ABTB3: variants seen among roughly 807,000 people sequenced by gnomAD.
The protein encoded by ABTB3 is ankyrin repeat- and BTB/POZ domain-containing protein 3.
At chr12:107,549,980 A>G in the ABTB3 span, among the ~76,000 whole-genome samples, 4 of 150,896 alleles carry the variant, frequency 2.7e-5, no homozygotes, top group Non-Finnish European at 5.9e-5. Context: ...TTGCACCTGC[A>G]TGTCACCTGG....
the ABTB3 span, among the ~76,000 whole-genome samples, chr12:107,636,871 C>T: frequency 6.6e-6 from 1 of 152,202 alleles, no homozygotes. Context: ...CAAACTTTTG[C>T]AAGGTCGGTT....
chr12:107,347,411 C>CA, the ABTB3 span, among the ~76,000 whole-genome samples: 1 of 152,134 alleles, frequency 6.6e-6, no homozygotes, highest in East Asian at 1.9e-4. Context: ...TTCAAGAAAC[C>CA]ATTTAATTGT....
At chr12:107,658,976 T>C in the ABTB3 span, 1 of 152,654 alleles carries the variant, frequency 6.6e-6, no homozygotes, top group Non-Finnish European at 1.5e-5. Context: ...CCATATATTA[T>C]AAGCAAAAGA....
chr12:107,436,366 GCTGGGAGTGA>G, the ABTB3 span, among the ~76,000 whole-genome samples: 1 of 152,200 alleles, frequency 6.6e-6, no homozygotes, highest in Non-Finnish European at 1.5e-5. Context: ...ATCAACCCAT[GCTGGGAGTGA>G]CAAGCTGGGC....
the ABTB3 span, among the ~76,000 whole-genome samples, chr12:107,525,851 A>G: frequency 1.3e-3 from 204 of 152,372 alleles, 1 homozygote; most frequent in African/African-American, 4.6e-3. Flanking sequence ...ACTGTGTACC[A>G]GCTGCTTTGA....
At chr12:107,357,620 A>T in the ABTB3 span, among the ~76,000 whole-genome samples, 1 of 152,230 alleles carries the variant, frequency 6.6e-6, no homozygotes, top group Non-Finnish European at 1.5e-5. Flanking sequence ...CTAAAAAAAT[A>T]AAAAATTAAA....
At chr12:107,405,089 G>A in the ABTB3 span, among the ~76,000 whole-genome samples, 1 of 152,118 alleles carries the variant, frequency 6.6e-6, no homozygotes, top group Non-Finnish European at 1.5e-5. Context: ...TAGATCTTAG[G>A]GTGAAGTAGA....
chr12:107,656,136 CA>C, the ABTB3 span, among the ~76,000 whole-genome samples: 45,654 of 129,400 alleles, frequency 0.35, 7,598 homozygotes, highest in East Asian at 0.67. Context: ...AAAAAAAATA[CA>C]AAAAAAAAAA....
the ABTB3 span, among the ~76,000 whole-genome samples, chr12:107,647,987 T>C: frequency 6.6e-6 from 1 of 152,302 alleles, no homozygotes; most frequent in African/African-American, 2.4e-5. Context: ...AGGCTCATTT[T>C]ACAAGTACCC....
chr12:107,635,506 T>G, the ABTB3 span: 2 of 840,256 alleles, frequency 2.4e-6, no homozygotes, highest in Non-Finnish European at 3.7e-6. Flanking sequence ...ACAAGGTCAG[T>G]ACAGGAGTCA....
chr12:107,544,285 G>A, the ABTB3 span: 3 of 844,158 alleles, frequency 3.6e-6, no homozygotes, highest in South Asian at 1.8e-5. Context: ...CTTGCACCCT[G>A]AGGGGATATC....
chr12:107,529,376 G>A, the ABTB3 span, among the ~76,000 whole-genome samples: 18 of 151,282 alleles, frequency 1.2e-4, no homozygotes, highest in African/African-American at 4.1e-4. Flanking sequence ...TGGTGATGAT[G>A]TGACAGTGAT....
chr12:107,618,177 C>T, the ABTB3 span: 20 of 1,613,936 alleles, frequency 1.2e-5, no homozygotes, highest in Non-Finnish European at 1.7e-5. Flanking sequence ...CCGCAAACTG[C>T]TCGCCCAGCC....
chr12:107,457,396 T>G, the ABTB3 span, among the ~76,000 whole-genome samples: 3 of 152,244 alleles, frequency 2.0e-5, no homozygotes, highest in South Asian at 6.2e-4. Context: ...TGCCGAAAGA[T>G]AGACTCCGAA....
At chr12:107,435,252 G>A in the ABTB3 span, among the ~76,000 whole-genome samples, 1 of 152,200 alleles carries the variant, frequency 6.6e-6, no homozygotes, top group Admixed American at 6.5e-5. Flanking sequence ...TGCAGCTTAC[G>A]CTGACACTGA....
chr12:107,352,624 C>T, the ABTB3 span, among the ~76,000 whole-genome samples: 15 of 152,114 alleles, frequency 9.9e-5, no homozygotes, highest in East Asian at 9.7e-4. Context: ...CCTGTGAGAG[C>T]GTGCCTTTTT....
chr12:107,379,945 A>G, the ABTB3 span, among the ~76,000 whole-genome samples: 1 of 152,180 alleles, frequency 6.6e-6, no homozygotes, highest in Non-Finnish European at 1.5e-5. Flanking sequence ...AACACCTCAC[A>G]GTGTTGTGTC....
chr12:107,613,653 T>C, the ABTB3 span, among the ~76,000 whole-genome samples: 2 of 152,136 alleles, frequency 1.3e-5, no homozygotes, highest in Non-Finnish European at 2.9e-5. Flanking sequence ...CAGTTAATAT[T>C]GGTCCCTCCA....
the ABTB3 span, among the ~76,000 whole-genome samples, chr12:107,343,080 T>C: frequency 6.6e-6 from 1 of 152,160 alleles, no homozygotes; most frequent in Non-Finnish European, 1.5e-5. Flanking sequence ...AGGGGCACGA[T>C]CATGGCTCAC....
Sources: gnomAD v4.1 joint callset for allele counts (sites outside exome capture counted in the v4.1 genomes callset) on GRCh38, gnomAD v4.1.1 for gene constraint, MANE v1.5 for transcripts, NCBI Gene and HGNC (gene_info 2026-07-23, HGNC 2026-07-21) for gene names.